The following SH3KBP1 variants were observed in gnomAD, a reference collection of about 807,000 sequenced individuals.
SH3KBP1 encodes the protein SH3 domain containing kinase binding protein 1.
A neutral mutation model predicts 50.1 loss-of-function variants in SH3KBP1; 8 were observed. The observed-to-expected ratio is 0.16, with a 90% confidence interval of 0.09 to 0.29. SH3KBP1 has a LOEUF of 0.29. Among genes scored for constraint, SH3KBP1 ranks in the 10% least tolerant of loss-of-function variants. The probability of loss-of-function intolerance (pLI) is 1.00; values close to 1 mark genes in which losing one functional copy is unlikely to be tolerated. For synonymous variants in SH3KBP1, 227 were observed against 218.6 expected (o/e 1.04, Z -0.34); for missense variants, 377 against 535.2 (o/e 0.70, Z 2.92).
intron 2 of SH3KBP1, among the ~76,000 whole-genome samples, chrX:19,830,058 C>T (rs909903199): frequency 5.4e-5 from 6 of 110,982 alleles, no homozygotes; most frequent in Admixed American, 1.9e-4. Flanking sequence ...GGGTTTTAGC[C>T]GGCTTCTTTA....
intron 5 of SH3KBP1, chrX:19,687,591 T>G (rs780462277): frequency 1.7e-6 from 2 of 1,150,193 alleles, no homozygotes; most frequent in African/African-American, 3.6e-5. Context: ...TCTTTACAAT[T>G]GCCTTCTGCT....
At chrX:19,632,679 G>A (rs1261673843) in intron 7 of SH3KBP1, among the ~76,000 whole-genome samples, 1 of 112,641 alleles carries the variant, frequency 8.9e-6, no homozygotes, top group African/African-American at 3.2e-5. Flanking sequence ...ACTAAAAATC[G>A]ATTTAAGTAT....
intron 9 of SH3KBP1, among the ~76,000 whole-genome samples, chrX:19,601,049 G>A (rs1448653428): frequency 9.0e-6 from 1 of 111,148 alleles, no homozygotes; most frequent in Admixed American, 9.6e-5. Context: ...CAAAGTCAAT[G>A]AACCCACATT....
At chrX:19,627,859 G>A (rs969619299) in intron 8 of SH3KBP1, among the ~76,000 whole-genome samples, 11 of 112,368 alleles carry the variant, frequency 9.8e-5, no homozygotes, top group Admixed American at 9.4e-4. Context: ...GGGTCTATCA[G>A]GAACCTCTAC....
chrX:19,588,356 G>T, intron 12 of SH3KBP1: 1 of 1,078,211 alleles, frequency 9.3e-7, no homozygotes, highest in Non-Finnish European at 1.2e-6. Context: ...CTTCTAATAA[G>T]GCCCAGGAAA....
At chrX:19,544,871 A>C (rs1468758462) in intron 15 of SH3KBP1, among the ~76,000 whole-genome samples, 1 of 111,800 alleles carries the variant, frequency 8.9e-6, no homozygotes, top group Admixed American at 9.5e-5. Flanking sequence ...CAGAACCACG[A>C]AAACCCACTG....
intron 6 of SH3KBP1, among the ~76,000 whole-genome samples, chrX:19,679,272 C>G (rs1187817007): frequency 8.9e-6 from 1 of 112,092 alleles, no homozygotes. Context: ...GGGCAGTGAC[C>G]TGGTCTCCCT....
At chrX:19,621,853 C>T (rs760467836) in intron 8 of SH3KBP1, among the ~76,000 whole-genome samples, 8 of 111,347 alleles carry the variant, frequency 7.2e-5, no homozygotes, top group African/African-American at 2.0e-4. Flanking sequence ...GATCCTTATA[C>T]GCATCCATGC....
intron 1 of SH3KBP1, among the ~76,000 whole-genome samples, chrX:19,860,603 A>G (rs12006867): frequency 0.023 from 2,575 of 112,090 alleles, 58 homozygotes; most frequent in African/African-American, 0.068. Flanking sequence ...AAACGGTTAA[A>G]ATCGTACATT....
chrX:19,647,137 C>A (rs964146943), intron 6 of SH3KBP1, among the ~76,000 whole-genome samples: 7 of 111,769 alleles, frequency 6.3e-5, no homozygotes, highest in Non-Finnish European at 1.1e-4. Context: ...CTTTGTGGGG[C>A]TGGAATAAAG....
At chrX:19,718,688 T>G in intron 3 of SH3KBP1, among the ~76,000 whole-genome samples, 1 of 112,064 alleles carries the variant, frequency 8.9e-6, no homozygotes, top group East Asian at 2.8e-4. Context: ...AAATATCAAT[T>G]CAATCAGCAA....
chrX:19,626,865 G>A (rs1011239959), intron 8 of SH3KBP1, among the ~76,000 whole-genome samples: 3 of 109,366 alleles, frequency 2.7e-5, no homozygotes, highest in African/African-American at 3.3e-5. Flanking sequence ...CACTGAGCCC[G>A]GCCTGGGTCC....
chrX:19,591,096 GAA>G (rs1440095518), intron 11 of SH3KBP1, among the ~76,000 whole-genome samples: 1 of 110,187 alleles, frequency 9.1e-6, no homozygotes, highest in African/African-American at 3.3e-5. Flanking sequence ...CACTGTGAAA[GAA>G]AGAGGTATAG....
chrX:19,731,185 C>T (rs2064366841), intron 3 of SH3KBP1, among the ~76,000 whole-genome samples: 1 of 112,010 alleles, frequency 8.9e-6, no homozygotes, highest in Non-Finnish European at 1.9e-5. Context: ...GTAATCCGCC[C>T]GCCTCGGCCT....
intron 1 of SH3KBP1, among the ~76,000 whole-genome samples, chrX:19,871,561 A>C (rs2069041515): frequency 8.9e-6 from 1 of 112,215 alleles, no homozygotes. Context: ...TAAATATTCA[A>C]CTTATTTTTT....
intron 6 of SH3KBP1, among the ~76,000 whole-genome samples, chrX:19,678,325 C>T (rs1201346307): frequency 9.3e-6 from 1 of 107,800 alleles, no homozygotes; most frequent in Admixed American, 1.0e-4. Flanking sequence ...AGATTCAATG[C>T]AATCTCAATC....
intron 2 of SH3KBP1, among the ~76,000 whole-genome samples, chrX:19,789,968 AG>A (rs755350703): frequency 4.5e-5 from 5 of 110,742 alleles, no homozygotes; most frequent in Non-Finnish European, 9.5e-5. Context: ...GGGAAAGGCC[AG>A]GGAGAGTCCC....
In SH3KBP1 at chrX:19,788,297, AAC is replaced by A. The variant is rs1250176877; in HGVS notation, c.163-41858_163-41857del. On this transcript the variant is annotated intron_variant, in intron 2 of 17. Coordinates refer to ENST00000397821, the MANE Select transcript of SH3KBP1 (RefSeq NM_031892.3). ...AAAAAAAAAAAAAACAAAAAAAAAA[AAC>A]ACAAAAATGAAGAACTTTGGACACA... Among the ~76,000 whole-genome samples, 3 of 108,441 alleles carry A rather than the reference AAC, an allele frequency of 2.8e-5. 1 individual carries two copies. The highest frequency in any genetic ancestry group is 1.0e-4 in the African/African-American group (3 of 29,713). The allele number at this position is 108,441 out of a possible 115,157, so 94.2% of individuals were successfully genotyped here. A position where few individuals can be genotyped will look rare whatever the true frequency, so the allele number is the denominator to read the frequency against.
intron 1 of SH3KBP1, 52 bp downstream of exon 1, chrX:19,887,255 C>A: frequency 1.0e-6 from 1 of 960,403 alleles, no homozygotes; most frequent in Non-Finnish European, 1.3e-6. Flanking sequence ...GGGACTGGCG[C>A]GCCGCCCTCA....
Sources: allele counts gnomAD v4.1 joint callset (sites outside exome capture counted in the v4.1 genomes callset), GRCh38; gene constraint gnomAD v4.1.1; transcripts MANE v1.5; gene names NCBI Gene and HGNC (gene_info 2026-07-23, HGNC 2026-07-21).